SMG1: variants seen among roughly 807,000 people sequenced by gnomAD.
The protein encoded by SMG1 is SMG1 nonsense mediated mRNA decay associated PI3K related kinase, also known as serine/threonine-protein kinase SMG1.
A neutral mutation model predicts 419.9 loss-of-function variants in SMG1; 22 were observed. That is an observed-to-expected ratio of 0.05 (90% CI 0.04 to 0.07). The LOEUF (loss-of-function observed/expected upper bound fraction) is 0.07. Among genes scored for constraint, SMG1 ranks in the 10% least tolerant of loss-of-function variants. SMG1 has a pLI of 1.00. For synonymous variants in SMG1, 1,538 were observed against 1,553.5 expected, an observed-to-expected ratio of 0.99 and a Z score of 0.23; for missense variants, 3,185 against 4,342.0, an observed-to-expected ratio of 0.73 and a Z score of 7.49.
intron 60 of SMG1, among the ~76,000 whole-genome samples, chr16:18,812,843 C>T (rs568990686): frequency 2.5e-4 from 38 of 152,166 alleles, no homozygotes; most frequent in Non-Finnish European, 4.6e-4. Flanking sequence ...CAACAAGCCC[C>T]GGTGTGAGAT....
At chr16:18,874,952 C>CTCAT (rs2036040436) in intron 13 of SMG1, 1 of 142,102 alleles carries the variant, frequency 7.0e-6, no homozygotes, top group African/African-American at 2.7e-5. Flanking sequence ...TTGAGTATCC[C>CTCAT]TCATTCATAA....
chr16:18,885,674 A>G lies in SMG1; in HGVS notation c.823-8T>C, dbSNP rs577884398. 5.6e-6 allele frequency: 9 copies of G among 1,595,908 alleles called. No homozygotes were observed. Among genetic ancestry groups the G allele is most frequent in the Non-Finnish European group, 7.6e-6 (9 of 1,179,450 alleles). On this transcript the variant is annotated splice_polypyrimidine_tract_variant and splice_region_variant and intron_variant, in intron 6 of 62. Coordinates refer to ENST00000446231, the MANE Select transcript of SMG1 (RefSeq NM_015092.5). ...CAGGCTGGTCATTACAAGCTTAAAA[A>G]TAAAAAGTTACAAACCGTGAACATT...
At chr16:18,877,095 C>G (rs777855476) in intron 12 of SMG1, 36 bp downstream of exon 12, 17 of 1,463,428 alleles carry the variant, frequency 1.2e-5, no homozygotes, top group East Asian at 2.4e-5. Flanking sequence ...TTCAGTGACT[C>G]AAGTTGTCAA....
rs544530788 is a variant in SMG1, at chr16:18,854,777, T to C, written c.4362A>G (p.Gly1454=). 5.0e-6 allele frequency: 8 copies of C among 1,614,066 alleles called. No homozygotes were observed. In the South Asian group the frequency reaches 7.7e-5, roughly 16 times the overall value. Residue 1454 remains glycine (G), a synonymous_variant, in exon 30 of 63, where the codon GGA becomes GGG. Coordinates refer to ENST00000446231, the MANE Select transcript of SMG1 (RefSeq NM_015092.5). ...CTAAATCCTGTGCAGTGGTGGTCTT[T>C]CCCAGCTGAACTTCACTGCACTGTG... ...LLAQCSEVQL[G]KTTTAQDLVQ... is the part of the protein sequence containing the mutation.
intron 6 of SMG1, 48 bp from the exon 7 acceptor site, chr16:18,885,714 G>GA (rs1301445600): frequency 1.3e-6 from 2 of 1,565,204 alleles, no homozygotes; most frequent in Admixed American, 1.7e-5. Flanking sequence ...AAAATAGGGA[G>GA]AAAACAAGCA....
At chr16:18,865,555 AT>A (rs1469657202) in intron 23 of SMG1, among the ~76,000 whole-genome samples, 9 of 152,284 alleles carry the variant, frequency 5.9e-5, no homozygotes, top group East Asian at 1.9e-4. Flanking sequence ...GTAAAAAAAA[AT>A]ATCAGAAACA....
intron 42 of SMG1, among the ~76,000 whole-genome samples, chr16:18,839,184 A>G (rs564480844): frequency 6.6e-6 from 1 of 152,232 alleles, no homozygotes; most frequent in African/African-American, 2.4e-5. Flanking sequence ...TTTTATTTAA[A>G]AAAATTTTTT....
At chr16:18,892,773 T>C (rs563646631) in intron 3 of SMG1, among the ~76,000 whole-genome samples, 1 of 152,280 alleles carries the variant, frequency 6.6e-6, no homozygotes, top group Admixed American at 6.5e-5. Flanking sequence ...CACTGGTCAA[T>C]AAAAGCTCAG....
At chr16:18,854,948 C>A (rs1280729631) in intron 29 of SMG1, 44 bp from the exon 30 acceptor site, 2 of 1,574,770 alleles carry the variant, frequency 1.3e-6, no homozygotes, top group Non-Finnish European at 1.7e-6. Flanking sequence ...TTTGTCTAAA[C>A]CAGACTGCAT....
At chr16:18,870,764 A>C in intron 17 of SMG1, 37 bp downstream of exon 17, 11 of 1,503,648 alleles carry the variant, frequency 7.3e-6, no homozygotes, top group Non-Finnish European at 9.1e-6. Context: ...CCAGGTTATT[A>C]GGGTTAATGT....
intron 1 of SMG1, among the ~76,000 whole-genome samples, chr16:18,916,946 T>C (rs2038005539): frequency 6.6e-6 from 1 of 152,086 alleles, no homozygotes; most frequent in African/African-American, 2.4e-5. Flanking sequence ...CAATTCAATG[T>C]TCCCAAAAGA....
intron 8 of SMG1, 191 bp downstream of exon 8, chr16:18,884,899 T>A: frequency 1.7e-6 from 1 of 587,942 alleles, no homozygotes. Context: ...CTGTACTTAC[T>A]GTACCCACCT....
chr16:18,852,276 CTATT>C (rs747276059), intron 32 of SMG1, 38 bp downstream of exon 32: 26 of 1,602,364 alleles, frequency 1.6e-5, no homozygotes, highest in Non-Finnish European at 8.5e-7. Flanking sequence ...ATTTAAATAT[CTATT>C]TATGCAATGC....
rs866523093 is a variant in SMG1 at position 18,869,797 on chromosome 16, G to A, written c.2633+57C>T. On this transcript the variant is annotated intron_variant, in intron 19 of 62. Transcript: ENST00000446231. ...TTTTCTCTTCAAAACTGCATGTAAA[G>A]TCAAAAGAATCTTAAAATTATGTTT... 1.5e-4 allele frequency: 226 copies of A among 1,478,014 alleles called. 2 individuals carry two copies. The Middle Eastern group carries it at 1.9e-3, about 13-fold the overall frequency. 91.6% of individuals were successfully genotyped at this position (1,478,014 alleles called of 1,614,324 possible).
chr16:18,918,919 T>C (rs2038081269), intron 1 of SMG1, among the ~76,000 whole-genome samples: 1 of 152,062 alleles, frequency 6.6e-6, no homozygotes, highest in South Asian at 2.1e-4. Flanking sequence ...GGAAGGAAGG[T>C]ATACTGAGAA....
At chr16:18,881,326 T>A (rs1488815648) in intron 10 of SMG1, among the ~76,000 whole-genome samples, 6 of 152,072 alleles carry the variant, frequency 3.9e-5, no homozygotes, top group African/African-American at 1.4e-4. Flanking sequence ...AGCAAAGATA[T>A]TAAACCATTT....
chr16:18,850,021 C>T lies in SMG1; in HGVS notation c.5389G>A (p.Val1797Met). ...TGCCGAAGCTCACCAGCATGCTTCA[C>T]GAGCAACCGCAGCAGGCGCAATGTG... ...MATLRLLRLLVKHAGELRQYL... is the reference protein window; with the variant it reads ...MATLRLLRLLMKHAGELRQYL... Residue 1797 changes from valine to methionine, a missense_variant, in exon 35 of 63, where the codon GTG becomes ATG. Coordinates refer to ENST00000446231, the MANE Select transcript of SMG1 (RefSeq NM_015092.5). The T allele has an allele frequency of 1.9e-6, 3 of 1,613,986 alleles. No homozygotes were observed. Among genetic ancestry groups the T allele is most frequent in the Non-Finnish European group, 2.5e-6 (3 of 1,179,898 alleles).
chr16:18,831,110 G>A (rs543612243), intron 51 of SMG1, among the ~76,000 whole-genome samples: 9 of 152,070 alleles, frequency 5.9e-5, no homozygotes, highest in African/African-American at 2.2e-4. Flanking sequence ...TGCACATTTT[G>A]AATGTAAGGT....
chr16:18,915,719 C>T (rs1372095174), intron 1 of SMG1, among the ~76,000 whole-genome samples: 1 of 152,072 alleles, frequency 6.6e-6, no homozygotes, highest in Non-Finnish European at 1.5e-5. Flanking sequence ...ATATCTGTAC[C>T]TTGACTGAGG....
Sources: gnomAD v4.1 joint callset for allele counts (sites outside exome capture counted in the v4.1 genomes callset) on GRCh38, gnomAD v4.1.1 for gene constraint, MANE v1.5 for transcripts, NCBI Gene and HGNC (gene_info 2026-07-23, HGNC 2026-07-21) for gene names.